Variants in DOK6 observed in about 807,000 individuals in gnomAD.
DOK6 encodes downstream of tyrosine kinase 6.
In DOK6, 22 loss-of-function variants were observed where a neutral mutation model predicts 44.0. That is an observed-to-expected ratio of 0.50 (90% confidence interval 0.36 to 0.71). DOK6 has a LOEUF of 0.71. Among genes scored for constraint, DOK6 ranks in the 30% least tolerant of loss-of-function variants. DOK6 has a pLI of 0.00. For missense variants in DOK6, 340 were observed against 416.4 expected (o/e 0.82, Z 1.60); for synonymous variants, 166 against 145.5 (o/e 1.14, Z -1.01).
rs560411978 is a variant in DOK6, at chr18:69,790,606, C to A, written c.856+32733C>A. Among the ~76,000 whole-genome samples, 78 of 152,136 alleles carry A rather than the reference C, an allele frequency of 5.1e-4. 2 individuals are homozygous for A. The highest frequency in any genetic ancestry group is 1.6e-3 in the African/African-American group (68 of 41,510). On this transcript the variant is annotated intron_variant, in intron 7 of 7. Transcript: ENST00000382713. ...ATATTTAGTAATATGTGCAGTAATG[C>A]AGGGTTGCATTGCTATTGGGCTTTT...
At chr18:69,525,124 A>G (rs573972787) in intron 1 of DOK6, among the ~76,000 whole-genome samples, 1 of 151,786 alleles carries the variant, frequency 6.6e-6, no homozygotes, top group Non-Finnish European at 1.5e-5. Context: ...CTTTAAAACT[A>G]TGTAAGAAAT....
chr18:69,660,147 C>A (rs1413571174), intron 3 of DOK6: 2 of 151,940 alleles, frequency 1.3e-5, no homozygotes, highest in Non-Finnish European at 2.9e-5. Context: ...GCAAACAGGG[C>A]CCCGACTTTC....
intron 3 of DOK6, among the ~76,000 whole-genome samples, chr18:69,664,766 G>C (rs1985614637): frequency 6.6e-6 from 1 of 152,174 alleles, no homozygotes; most frequent in Non-Finnish European, 1.5e-5. Context: ...ATCCAAAGAG[G>C]AGAAAATGCC....
intron 1 of DOK6, among the ~76,000 whole-genome samples, chr18:69,505,850 C>T (rs1402531917): frequency 6.6e-6 from 1 of 151,752 alleles, no homozygotes; most frequent in Non-Finnish European, 1.5e-5. Flanking sequence ...AAAACAAAAT[C>T]CTATTTCTAA....
chr18:69,663,880 A>G (rs898126906), intron 3 of DOK6, among the ~76,000 whole-genome samples: 7 of 152,208 alleles, frequency 4.6e-5, no homozygotes, highest in Admixed American at 4.6e-4. Flanking sequence ...AGAGGGCTCC[A>G]AACACAAGAG....
chr18:69,514,187 A>G (rs1326826192), intron 1 of DOK6, among the ~76,000 whole-genome samples: 2 of 152,050 alleles, frequency 1.3e-5, no homozygotes, highest in Non-Finnish European at 2.9e-5. Flanking sequence ...TTCTCCAAGT[A>G]CTTTTTACTG....
intron 3 of DOK6, among the ~76,000 whole-genome samples, chr18:69,672,359 GTTTGT>G (rs988928633): frequency 1.4e-4 from 21 of 150,104 alleles, no homozygotes; most frequent in African/African-American, 3.9e-4. Flanking sequence ...TAGTTTGTTT[GTTTGT>G]TTTGTTTTGT....
At chr18:69,520,206 G>T (rs1981647058) in intron 1 of DOK6, among the ~76,000 whole-genome samples, 1 of 151,718 alleles carries the variant, frequency 6.6e-6, no homozygotes, top group East Asian at 1.9e-4. Flanking sequence ...TGTTCCTGAA[G>T]ACTCTTTAAA....
intron 6 of DOK6, among the ~76,000 whole-genome samples, chr18:69,749,963 G>A (rs926704939): frequency 1.3e-5 from 2 of 149,656 alleles, no homozygotes; most frequent in South Asian, 4.2e-4. Flanking sequence ...AAAGTTCTGG[G>A]TCAAATACCG....
intron 3 of DOK6, among the ~76,000 whole-genome samples, chr18:69,631,037 A>G (rs1984679168): frequency 6.6e-6 from 1 of 152,134 alleles, no homozygotes; most frequent in Admixed American, 6.5e-5. Context: ...TTGTTGAATT[A>G]GGAGATACTT....
At chr18:69,724,202 T>A (rs1978295455) in intron 5 of DOK6, among the ~76,000 whole-genome samples, 1 of 152,226 alleles carries the variant, frequency 6.6e-6, no homozygotes, top group Non-Finnish European at 1.5e-5. Context: ...ATAAATAAGA[T>A]AATTTTATAG....
intron 1 of DOK6, among the ~76,000 whole-genome samples, chr18:69,457,742 A>G (rs1204639848): frequency 6.6e-6 from 1 of 152,208 alleles, no homozygotes; most frequent in Non-Finnish European, 1.5e-5. Context: ...GGCCATTTTA[A>G]TGATATTGAT....
intron 7 of DOK6, among the ~76,000 whole-genome samples, chr18:69,773,176 C>T (rs1238239412): frequency 2.6e-5 from 4 of 151,650 alleles, no homozygotes; most frequent in Non-Finnish European, 5.9e-5. Flanking sequence ...GGCTAATTAT[C>T]TAAAAAACAA....
At chr18:69,504,961 C>T (rs1326215633) in intron 1 of DOK6, among the ~76,000 whole-genome samples, 3 of 152,288 alleles carry the variant, frequency 2.0e-5, no homozygotes, top group Middle Eastern at 3.4e-3. Context: ...TCTTCTCCTT[C>T]TTTACTTATA....
intron 7 of DOK6, among the ~76,000 whole-genome samples, chr18:69,758,401 G>A (rs1418450024): frequency 6.6e-6 from 1 of 152,088 alleles, no homozygotes; most frequent in Non-Finnish European, 1.5e-5. Context: ...CTTTGCCTTT[G>A]TACTTTTTCT....
intron 1 of DOK6, among the ~76,000 whole-genome samples, chr18:69,542,548 C>T (rs1031337094): frequency 2.0e-5 from 3 of 151,400 alleles, no homozygotes; most frequent in African/African-American, 4.8e-5. Flanking sequence ...AGTCCAGTTA[C>T]GTAGCGCTAC....
At chr18:69,613,623 T>G (rs1269002943) in intron 3 of DOK6, among the ~76,000 whole-genome samples, 2 of 152,042 alleles carry the variant, frequency 1.3e-5, no homozygotes, top group African/African-American at 4.8e-5. Context: ...AAAATTTCTC[T>G]TATAAAAAAA....
At chr18:69,803,791 A>G (rs572933542) in intron 7 of DOK6, among the ~76,000 whole-genome samples, 111 of 152,206 alleles carry the variant, frequency 7.3e-4, no homozygotes, top group East Asian at 1.9e-3. Flanking sequence ...CCCGGGAGGC[A>G]GAGGTTGCAG....
In DOK6 at chr18:69,529,127, C is replaced by T. The variant is rs138450180; in HGVS notation, c.67-35360C>T. On this transcript the variant is annotated intron_variant, in intron 1 of 7. Coordinates refer to ENST00000382713, the MANE Select transcript of DOK6 (RefSeq NM_152721.6). ...CGACTGTCCTCCTCACTACCTGCAACGAAAGGAAATTATTTAGTTAATTAG... is the reference window on the plus strand; with the variant it reads ...CGACTGTCCTCCTCACTACCTGCAATGAAAGGAAATTATTTAGTTAATTAG... Among the ~76,000 whole-genome samples, 526 of 152,200 alleles carry T rather than the reference C, an allele frequency of 3.5e-3. 2 individuals carry two copies. The highest frequency in any genetic ancestry group is 7.2e-3 in the Admixed American group (110 of 15,286).
Sources: gnomAD v4.1 joint callset for allele counts (sites outside exome capture counted in the v4.1 genomes callset) on GRCh38, gnomAD v4.1.1 for gene constraint, MANE v1.5 for transcripts, NCBI Gene and HGNC (gene_info 2026-07-23, HGNC 2026-07-21) for gene names.